Variants in RSPO2 observed in about 807,000 individuals in gnomAD.
RSPO2 encodes the protein R-spondin-2.
RSPO2 carries 14 observed loss-of-function variants against 30.9 expected under a neutral mutation model. The observed-to-expected ratio is 0.45, with a 90% CI of 0.30 to 0.71. The LOEUF (loss-of-function observed/expected upper bound fraction) is 0.71. Ranked by LOEUF, RSPO2 falls within the 30% of genes least tolerant of loss-of-function variation. RSPO2 has a pLI of 0.08. For missense variants in RSPO2, 264 were observed against 301.9 expected, an observed-to-expected ratio of 0.87 and a Z score of 0.93; for synonymous variants, 107 against 96.4, an observed-to-expected ratio of 1.11 and a Z score of -0.64.
At chr8:108,018,982 T>C (rs748949055) in intron 2 of RSPO2, among the ~76,000 whole-genome samples, 1 of 152,234 alleles carries the variant, frequency 6.6e-6, no homozygotes, top group Non-Finnish European at 1.5e-5. Context: ...TAACACAACA[T>C]AGATCATTCT....
intron 2 of RSPO2, among the ~76,000 whole-genome samples, chr8:108,076,112 T>A (rs1270815601): frequency 6.6e-6 from 1 of 152,216 alleles, no homozygotes; most frequent in Non-Finnish European, 1.5e-5. Flanking sequence ...ACAGAAGCAG[T>A]GGCATTTTAG....
chr8:107,974,412 TGAGA>T (rs1345643239), intron 3 of RSPO2, among the ~76,000 whole-genome samples: 2 of 151,834 alleles, frequency 1.3e-5, no homozygotes, highest in Admixed American at 1.3e-4. Flanking sequence ...CTCGGGAGGC[TGAGA>T]GATAGGAGGA....
intron 5 of RSPO2, among the ~76,000 whole-genome samples, chr8:107,931,871 G>T (rs1812563346): frequency 1.3e-5 from 2 of 152,144 alleles, no homozygotes; most frequent in Non-Finnish European, 2.9e-5. Context: ...AATGACAAAA[G>T]ACAACCCCAT....
At chr8:108,027,430 G>A (rs1811259517) in intron 2 of RSPO2, among the ~76,000 whole-genome samples, 1 of 152,048 alleles carries the variant, frequency 6.6e-6, no homozygotes, top group Admixed American at 6.6e-5. Flanking sequence ...TATCTATCTG[G>A]TACAATGACC....
intron 2 of RSPO2, among the ~76,000 whole-genome samples, chr8:107,995,402 T>C (rs555124098): frequency 6.6e-6 from 1 of 152,260 alleles, no homozygotes; most frequent in African/African-American, 2.4e-5. Flanking sequence ...ATACATTATA[T>C]AATTTGTGTT....
chr8:108,071,905 G>T (rs1279396860), intron 2 of RSPO2, among the ~76,000 whole-genome samples: 1 of 152,144 alleles, frequency 6.6e-6, no homozygotes, highest in African/African-American at 2.4e-5. Context: ...TGGTAACATG[G>T]GAGCTGCAGG....
intron 2 of RSPO2, among the ~76,000 whole-genome samples, chr8:107,998,766 C>T (rs1815116755): frequency 6.6e-6 from 1 of 151,990 alleles, no homozygotes; most frequent in Non-Finnish European, 1.5e-5. Context: ...GTATTTATGG[C>T]CAGGCAATGG....
chr8:108,014,967 C>T (rs1810836481), intron 2 of RSPO2, among the ~76,000 whole-genome samples: 1 of 151,864 alleles, frequency 6.6e-6, no homozygotes, highest in Admixed American at 6.6e-5. Context: ...ATAATAAGCT[C>T]CTGGAAAAAC....
chr8:107,926,946 G>C (rs989548310), intron 5 of RSPO2, among the ~76,000 whole-genome samples: 15 of 152,244 alleles, frequency 9.9e-5, no homozygotes, highest in African/African-American at 3.4e-4. Context: ...GTCATTGGTA[G>C]CTTGATGGGG....
At chr8:108,056,700 G>C (rs1318514567) in intron 2 of RSPO2, among the ~76,000 whole-genome samples, 1 of 150,402 alleles carries the variant, frequency 6.6e-6, no homozygotes, top group Non-Finnish European at 1.5e-5. Context: ...CATAGTAAAT[G>C]CTCAATAAGT....
At chr8:107,939,927 C>G (rs2130371363) in intron 5 of RSPO2, among the ~76,000 whole-genome samples, 1 of 152,096 alleles carries the variant, frequency 6.6e-6, no homozygotes, top group Admixed American at 6.6e-5. Flanking sequence ...CATCTTTGAA[C>G]CAGAGGTAAC....
At chr8:107,937,305 A>C (rs982998629) in intron 5 of RSPO2, among the ~76,000 whole-genome samples, 1 of 152,068 alleles carries the variant, frequency 6.6e-6, no homozygotes, top group Non-Finnish European at 1.5e-5. Flanking sequence ...GTTATCTGTA[A>C]GTCTGTGGAT....
intron 2 of RSPO2, among the ~76,000 whole-genome samples, chr8:108,021,965 C>T (rs1205069562): frequency 6.6e-6 from 1 of 151,926 alleles, no homozygotes; most frequent in Non-Finnish European, 1.5e-5. Flanking sequence ...AAAATGATGG[C>T]TTCATCACTT....
chr8:107,951,971 A>C (rs619863), intron 5 of RSPO2, among the ~76,000 whole-genome samples: 81,377 of 151,856 alleles, frequency 0.54, 23,909 homozygotes, highest in East Asian at 0.7. Context: ...AGTCAGTCTG[A>C]AAGAAATCGT....
chr8:108,079,928 T>A (rs1275077332), intron 2 of RSPO2, among the ~76,000 whole-genome samples: 1 of 152,252 alleles, frequency 6.6e-6, no homozygotes, highest in East Asian at 1.9e-4. Flanking sequence ...ACATGTCAAC[T>A]GTCACTGCTG....
chr8:108,068,358 G>C (rs1812735649), intron 2 of RSPO2, among the ~76,000 whole-genome samples: 1 of 152,082 alleles, frequency 6.6e-6, no homozygotes, highest in Non-Finnish European at 1.5e-5. Context: ...TAATATTCTT[G>C]CTTTATGTCC....
At chr8:107,945,241 CTT>C (rs754722790) in intron 5 of RSPO2, among the ~76,000 whole-genome samples, 7,947 of 73,496 alleles carry the variant, frequency 0.11, 47 homozygotes, top group Middle Eastern at 0.24. Context: ...ATTCTTTTAC[CTT>C]TTTTTTTTTT....
chr8:107,951,214 C>A (rs142890552), intron 5 of RSPO2, among the ~76,000 whole-genome samples: 2 of 152,068 alleles, frequency 1.3e-5, no homozygotes, highest in African/African-American at 4.8e-5. Context: ...TACCACCACA[C>A]CCAGATAATT....
chr8:108,046,805 A>G (rs1811920147), intron 2 of RSPO2, among the ~76,000 whole-genome samples: 1 of 152,136 alleles, frequency 6.6e-6, no homozygotes, highest in Admixed American at 6.6e-5. Flanking sequence ...TCCCAACACA[A>G]TTGTTAAGGG....
Sources: gnomAD v4.1 joint callset for allele counts (sites outside exome capture counted in the v4.1 genomes callset) on GRCh38, gnomAD v4.1.1 for gene constraint, MANE v1.5 for transcripts, NCBI Gene and HGNC (gene_info 2026-07-23, HGNC 2026-07-21) for gene names.